The following USP20 variants were observed in gnomAD, a reference collection of about 807,000 sequenced individuals.
USP20 encodes the protein ubiquitin specific peptidase 20, also known as ubiquitin carboxyl-terminal hydrolase 20.
Under a neutral mutation model 124.2 loss-of-function variants are expected in USP20, and 80 were observed. That is an observed-to-expected ratio of 0.64 (90% CI 0.54 to 0.78). The LOEUF (loss-of-function observed/expected upper bound fraction) is 0.78. Ranked by LOEUF, USP20 falls within the 30% of genes least tolerant of loss-of-function variation. The pLI is 0.00. For synonymous variants in USP20, 481 were observed against 512.3 expected (o/e 0.94, Z 0.83); for missense variants, 1,043 against 1,244.4 (o/e 0.84, Z 2.44).
chr9:129,865,694 T>C (rs2033788148), intron 10 of USP20, among the ~76,000 whole-genome samples: 1 of 152,138 alleles, frequency 6.6e-6, no homozygotes, highest in Non-Finnish European at 1.5e-5. Context: ...GTACAGGGTC[T>C]CACTCTGTCA....
intron 1 of USP20, among the ~76,000 whole-genome samples, chr9:129,837,030 G>A (rs535960778): frequency 3.3e-5 from 5 of 152,210 alleles, no homozygotes; most frequent in Non-Finnish European, 5.9e-5. Flanking sequence ...AAGTCCCAGG[G>A]TACAGATGAG....
chr9:129,857,513 G>A (rs2033276350), intron 4 of USP20, among the ~76,000 whole-genome samples: 2 of 152,206 alleles, frequency 1.3e-5, no homozygotes, highest in African/African-American at 4.8e-5. Context: ...GTAGATTTGG[G>A]ATAGGAGAGT....
At chr9:129,843,014 A>G (rs535910276) in intron 1 of USP20, among the ~76,000 whole-genome samples, 25 of 152,274 alleles carry the variant, frequency 1.6e-4, no homozygotes, top group African/African-American at 5.5e-4. Context: ...TATGTTGCAC[A>G]TACTCATATA....
chr9:129,874,727 C>T lies in USP20; in HGVS notation c.1892C>T (p.Ser631Leu), dbSNP rs2034304019. Residue 631 changes from serine (S) to leucine (L), a missense_variant, in exon 18 of 26, where the codon TCG (serine) becomes TTG (leucine). Ser to Leu is a moderately radical substitution (Grantham distance 145). Transcript: ENST00000372429. ...CAGATCACCACCTACGACCTCCTCT[C>T]GGTCATCTGCCACCACGGCACGGCA... ...TSQITTYDLL[S>L]VICHHGTAGS... 1.9e-6 allele frequency: 3 copies of T among 1,613,858 alleles called. No individual in the cohort carries two copies. Among genetic ancestry groups the T allele is most frequent in the East Asian group, 2.2e-5 (1 of 44,894 alleles).
At chr9:129,851,090 C>T (rs1483921964) in intron 2 of USP20, among the ~76,000 whole-genome samples, 1 of 152,060 alleles carries the variant, frequency 6.6e-6, no homozygotes, top group African/African-American at 2.4e-5. Flanking sequence ...CAGTCAGATT[C>T]CTGGATTTGA....
chr9:129,840,894 C>G (rs1332289179), intron 1 of USP20, among the ~76,000 whole-genome samples: 3 of 151,918 alleles, frequency 2.0e-5, no homozygotes, highest in Non-Finnish European at 4.4e-5. Context: ...CCTCAGCCTC[C>G]CGAGTAGCTG....
Position 129,868,134 on chromosome 9 carries a change from G to A in USP20, c.820G>A (p.Gly274Ser). The A allele has an allele frequency of 6.2e-7, 1 of 1,614,180 alleles. No homozygotes were observed. Among genetic ancestry groups the A allele is most frequent in the Non-Finnish European group, 8.5e-7 (1 of 1,180,022 alleles). ...GAGTGACACGGATGAGAAACGGGAG[G>A]GTGACCGGAGCCCATCAGAAGATGA... ...DSSDTDEKRE[G>S]DRSPSEDEFL... Residue 274 changes from glycine to serine, a missense_variant, in exon 11 of 26, where the codon GGT (glycine) becomes AGT (serine). Transcript: ENST00000372429.
In USP20 at chr9:129,873,703, C is replaced by T. The variant is rs1388830354; in HGVS notation, c.1699C>T (p.Arg567Trp). 4 of 1,613,232 alleles carry T rather than the reference C, an allele frequency of 2.5e-6. No homozygotes were observed. Among genetic ancestry groups the T allele is most frequent in the Non-Finnish European group, 3.4e-6 (4 of 1,180,006 alleles). Residue 567 changes from arginine (R) to tryptophan (W), a missense_variant, in exon 17 of 26, where the codon CGG (arginine) becomes TGG (tryptophan). By Grantham distance (101) the Arg-to-Trp change is moderately radical. Coordinates refer to ENST00000372429, the MANE Select transcript of USP20 (RefSeq NM_001110303.4). Reference protein sequence around the residue: ...MYSCERCKKLRNGVKYCKVLR... With the variant: ...MYSCERCKKLWNGVKYCKVLR... Reference sequence around the variant, plus strand: ...TGGCTCGTGCTTCCTCCCCAGGCTGCGGAACGGAGTGAAGTACTGCAAAGT... The same window carrying T: ...TGGCTCGTGCTTCCTCCCCAGGCTGTGGAACGGAGTGAAGTACTGCAAAGT...
At chr9:129,845,484 CTAGT>C (rs567756691) in intron 1 of USP20, among the ~76,000 whole-genome samples, 1 of 152,178 alleles carries the variant, frequency 6.6e-6, no homozygotes, top group Non-Finnish European at 1.5e-5. Flanking sequence ...AGCTCTCTCT[CTAGT>C]GAGAGAGGGG....
intron 1 of USP20, among the ~76,000 whole-genome samples, chr9:129,842,587 G>A (rs1176532991): frequency 6.6e-6 from 1 of 151,318 alleles, no homozygotes; most frequent in Non-Finnish European, 1.5e-5. Context: ...TAGGTCCTGT[G>A]TGTGGAAGTT....
intron 1 of USP20, among the ~76,000 whole-genome samples, chr9:129,838,297 C>T (rs2031990367): frequency 6.6e-6 from 1 of 151,976 alleles, no homozygotes; most frequent in Admixed American, 6.6e-5. Context: ...CCGCCTCAGC[C>T]TCCCAAAGTG....
chr9:129,836,575 T>C (rs1415650541), intron 1 of USP20, among the ~76,000 whole-genome samples: 2 of 152,110 alleles, frequency 1.3e-5, no homozygotes, highest in Non-Finnish European at 2.9e-5. Flanking sequence ...CGATGGGGGC[T>C]GTCTGGGGTT....
intron 3 of USP20, among the ~76,000 whole-genome samples, chr9:129,853,167 A>T (rs557404018): frequency 7.4e-6 from 1 of 134,604 alleles, no homozygotes; most frequent in African/African-American, 2.7e-5. Flanking sequence ...ACCCCCGGGT[A>T]AGCACTTATT....
rs752576970 is a variant in USP20, at chr9:129,852,545, C to T, written c.-11C>T. On this transcript the variant is annotated 5_prime_UTR_variant, in exon 3 of 26. Coordinates refer to ENST00000372429, the MANE Select transcript of USP20 (RefSeq NM_001110303.4). ...TTGCTTGTGTCTTCTCATAGGTGAG[C>T]CCAGGCCAGGATGGGGGACTCCAGG... The T allele has an allele frequency of 3.8e-6, 6 of 1,587,588 alleles. No individual in the cohort carries two copies. Among genetic ancestry groups the T allele is most frequent in the Non-Finnish European group, 5.1e-6 (6 of 1,165,870 alleles).
Position 129,879,435 on chromosome 9 carries a change from G to T in USP20, c.2513-138G>T. Reference sequence around the variant, plus strand: ...TCAGACTGCCACAGAGGAGCATTGGGTGGCTCAGGCGCCTCATCCATTAGA... The same window carrying T: ...TCAGACTGCCACAGAGGAGCATTGGTTGGCTCAGGCGCCTCATCCATTAGA... On this transcript the variant is annotated intron_variant, in intron 23 of 25. Transcript: ENST00000372429. The surrounding 1 kb of genome is among the most constrained non-coding windows in gnomAD (Gnocchi z 4.2). The T allele has an allele frequency of 1.3e-6, 1 of 760,734 alleles. No homozygotes were observed. The allele number at this position is 760,734 out of a possible 1,614,324, so 47.1% of individuals were successfully genotyped here. A position where few individuals can be genotyped will look rare whatever the true frequency, so the allele number is the denominator to read the frequency against.
intron 1 of USP20, among the ~76,000 whole-genome samples, chr9:129,841,831 G>A (rs2032233063): frequency 1.3e-5 from 2 of 152,140 alleles, no homozygotes; most frequent in South Asian, 4.1e-4. Flanking sequence ...CCGTGCATGA[G>A]TCCCCTGCGG....
At chr9:129,849,010 G>C (rs567794015) in intron 1 of USP20, among the ~76,000 whole-genome samples, 12 of 152,314 alleles carry the variant, frequency 7.9e-5, no homozygotes, top group African/African-American at 2.9e-4. Flanking sequence ...GCCCGGTTGT[G>C]CCTGCAGCCT....
Position 129,868,211 on chromosome 9 carries a change from G to C in USP20, c.897G>C (p.Gly299=), listed in dbSNP as rs748550003. ...ACCGGGGTGAGGGTGACGGGCAGGG[G>C]CGTGGCGGGGGCAGCTCGCAGGCCG... ...SSDRGEGDGQ[G]RGGGSSQAET... is the part of the protein sequence containing the mutation. Residue 299 remains glycine (G), a synonymous_variant, in exon 11 of 26, where the codon GGG becomes GGC. Transcript: ENST00000372429. The C allele has an allele frequency of 1.9e-6, 3 of 1,614,000 alleles. No individual in the cohort carries two copies. The highest frequency in any genetic ancestry group is 2.2e-5 in the East Asian group (1 of 44,886).
intron 7 of USP20, 56 bp downstream of exon 7, chr9:129,861,089 G>T (rs932270292): frequency 5.1e-5 from 78 of 1,533,566 alleles, no homozygotes; most frequent in Non-Finnish European, 6.5e-5. Flanking sequence ...CCCTCATCTG[G>T]AGGCTGGAAA....
Sources: allele counts gnomAD v4.1 joint callset (sites outside exome capture counted in the v4.1 genomes callset), GRCh38; gene constraint gnomAD v4.1.1; non-coding constraint Gnocchi (gnomAD v3.1); transcripts MANE v1.5; gene names NCBI Gene and HGNC (gene_info 2026-07-23, HGNC 2026-07-21).